DCTN4: variants seen among roughly 807,000 people sequenced by gnomAD.
The protein encoded by DCTN4 is dynactin 4 (p62).
DCTN4 carries 23 observed loss-of-function variants against 62.7 expected under a neutral mutation model. The ratio of observed to expected loss-of-function variants is 0.37; its 90% CI spans 0.26 to 0.52. The LOEUF is 0.52. Among genes scored for constraint, DCTN4 ranks in the 20% least tolerant of loss-of-function variants. DCTN4 has a pLI of 0.92. For synonymous variants in DCTN4, 199 were observed against 202.1 expected, an observed-to-expected ratio of 0.98 and a Z score of 0.13; for missense variants, 514 against 580.4, an observed-to-expected ratio of 0.89 and a Z score of 1.18.
intron 1 of DCTN4, chr5:150,757,786 C>T (rs1752915570): frequency 2.6e-5 from 4 of 152,004 alleles, no homozygotes; most frequent in Admixed American, 2.6e-4. Context: ...CATAAAATGG[C>T]TTATAGTATG....
Position 150,711,238 on chromosome 5 carries a change from TG to T in DCTN4, c.1293del (p.Ile432PhefsTer61). 6.2e-7 allele frequency: 1 copy of T among 1,613,138 alleles called. No individual in the cohort carries two copies. Among genetic ancestry groups the T allele is most frequent in the Non-Finnish European group, 8.5e-7 (1 of 1,180,030 alleles). ...TGGTCACTTTCTTCAATGGGGCGAA[TG>T]GGGGCTGCCAGGTTTTTAAAATCAT... Reference protein sequence around the residue: ...MKHDFKNLAAPIRPIEESDQG... With the variant: ...MKHDFKNLAAXIRPIEESDQG... On this transcript the variant is annotated frameshift_variant, in exon 13 of 13. Transcript: ENST00000447998. LOFTEE classifies it high-confidence loss of function.
intron 3 of DCTN4, among the ~76,000 whole-genome samples, chr5:150,748,109 A>G (rs1752527287): frequency 6.6e-6 from 1 of 152,166 alleles, no homozygotes; most frequent in Admixed American, 6.6e-5. Context: ...AAACAACCTC[A>G]TCAAAAAGTG....
intron 3 of DCTN4, among the ~76,000 whole-genome samples, chr5:150,750,821 G>T (rs569789914): frequency 5.1e-4 from 77 of 152,276 alleles, no homozygotes; most frequent in African/African-American, 1.8e-3. Flanking sequence ...ATAAAGTAGG[G>T]GGAGGGCTTA....
intron 3 of DCTN4, among the ~76,000 whole-genome samples, chr5:150,747,578 G>A (rs1232509228): frequency 6.6e-6 from 1 of 152,158 alleles, no homozygotes; most frequent in East Asian, 1.9e-4. Flanking sequence ...CATGGTACTG[G>A]TACCAAAACA....
chr5:150,741,479 C>T (rs1008823232), intron 4 of DCTN4, among the ~76,000 whole-genome samples: 2 of 147,926 alleles, frequency 1.4e-5, no homozygotes, highest in Non-Finnish European at 3.0e-5. Flanking sequence ...TTGTCTCTAC[C>T]GCATTCTTTT....
At chr5:150,740,660 C>T (rs1760734696) in intron 4 of DCTN4, among the ~76,000 whole-genome samples, 1 of 152,118 alleles carries the variant, frequency 6.6e-6, no homozygotes, top group South Asian at 2.1e-4. Flanking sequence ...AAATGCCCAT[C>T]AATCAATGAG....
chr5:150,755,739 T>G (rs1245560212), intron 2 of DCTN4, among the ~76,000 whole-genome samples: 3 of 152,136 alleles, frequency 2.0e-5, no homozygotes, highest in African/African-American at 7.2e-5. Context: ...TAATGTGATA[T>G]CCTGAAAAGA....
intron 8 of DCTN4, among the ~76,000 whole-genome samples, chr5:150,728,073 T>C (rs10053524): frequency 0.14 from 20,686 of 152,056 alleles, 2,408 homozygotes; most frequent in African/African-American, 0.31. Flanking sequence ...GGTAGCAAAA[T>C]AGCTGGTAAT....
intron 3 of DCTN4, among the ~76,000 whole-genome samples, chr5:150,752,411 A>C (rs1054907358): frequency 2.6e-5 from 4 of 152,322 alleles, no homozygotes; most frequent in African/African-American, 9.6e-5. Context: ...ACTGATAAAC[A>C]TTTTATATAT....
At position 150,719,719 on chromosome 5, in the gene DCTN4, C is replaced by T; in HGVS notation, c.960G>A (p.Met320Ile). The change falls in exon 10 of 13, where the codon ATG becomes ATA. Residue 320 changes from methionine to isoleucine, a missense_variant. By Grantham distance (10) the Met-to-Ile change is conservative. Transcript: ENST00000447998. Reference sequence around the variant, plus strand: ...TGTTAATGAGCAAGGTACTAACCTTCATGTAGCGAAGGTTGGGAATTGACA... The same window carrying T: ...TGTTAATGAGCAAGGTACTAACCTTTATGTAGCGAAGGTTGGGAATTGACA... Reference protein sequence around the residue: ...RIMSIPNLRYMKESQVLLTLT... With the variant: ...RIMSIPNLRYIKESQVLLTLT... 6.2e-7 allele frequency: 1 copy of T among 1,608,314 alleles called. No individual in the cohort carries two copies. The highest frequency in any genetic ancestry group is 8.5e-7 in the Non-Finnish European group (1 of 1,175,118).
intron 3 of DCTN4, among the ~76,000 whole-genome samples, chr5:150,748,379 C>A (rs1416898652): frequency 6.6e-6 from 1 of 152,024 alleles, no homozygotes; most frequent in Non-Finnish European, 1.5e-5. Context: ...GTCAGTGTGG[C>A]GATTCCTCAG....
intron 9 of DCTN4, among the ~76,000 whole-genome samples, chr5:150,721,763 G>A (rs1759961193): frequency 6.6e-6 from 1 of 152,118 alleles, no homozygotes; most frequent in South Asian, 2.1e-4. Context: ...TGTCATGACT[G>A]CCAAATATTC....
intron 1 of DCTN4, chr5:150,758,220 T>C (rs986192310): frequency 2.0e-6 from 2 of 985,612 alleles, no homozygotes; most frequent in South Asian, 4.7e-5. Context: ...GTCTTCTTTT[T>C]GAAAAATCCA....
At chr5:150,714,783 G>A (rs1042374898) in intron 12 of DCTN4, among the ~76,000 whole-genome samples, 7 of 152,208 alleles carry the variant, frequency 4.6e-5, no homozygotes, top group Non-Finnish European at 7.4e-5. Context: ...CCAGGACCAC[G>A]CAAGCAGTGT....
At chr5:150,723,062 C>T (rs1282551778) in intron 8 of DCTN4, 82 bp from the exon 9 acceptor site, 4 of 1,024,376 alleles carry the variant, frequency 3.9e-6, no homozygotes, top group Non-Finnish European at 5.8e-6. Flanking sequence ...TTCAGAAGGA[C>T]AGCATTTACG....
intron 8 of DCTN4, 127 bp from the exon 9 acceptor site, chr5:150,723,107 A>G (rs1561692355): frequency 9.0e-6 from 6 of 664,150 alleles, no homozygotes; most frequent in Non-Finnish European, 1.3e-5. Context: ...CTATAAGACC[A>G]TATGTTTTTG....
intron 4 of DCTN4, among the ~76,000 whole-genome samples, chr5:150,741,367 T>C (rs1489918036): frequency 6.6e-6 from 1 of 152,014 alleles, no homozygotes; most frequent in East Asian, 1.9e-4. Context: ...TGTAGATGTA[T>C]AGCTTTGATG....
chr5:150,753,680 A>G (rs1234247165), intron 2 of DCTN4, 23 bp from the exon 3 acceptor site: 5 of 1,597,314 alleles, frequency 3.1e-6, no homozygotes, highest in Non-Finnish European at 3.4e-6. Context: ...AAACACAACC[A>G]TTCATTCAAC....
In DCTN4 at chr5:150,709,827, C is replaced by T. The variant is rs1206939783; in HGVS notation, c.*1322G>A. On this transcript the variant is annotated 3_prime_UTR_variant, in exon 13 of 13. Transcript: ENST00000447998. ...AGACTTAAAACAAGACCAAGGTAAA[C>T]AAAAAATCTGTATTTTCCTCAAGTC... 1 of 152,296 alleles carries T rather than the reference C, an allele frequency of 6.6e-6. No homozygotes were observed. The highest frequency in any genetic ancestry group is 2.4e-5 in the African/African-American group (1 of 41,450). The allele number at this position is 152,296 out of a possible 1,614,324, so 9.4% of individuals were successfully genotyped here.
Sources: allele counts gnomAD v4.1 joint callset (sites outside exome capture counted in the v4.1 genomes callset), GRCh38; gene constraint gnomAD v4.1.1; transcripts MANE v1.5; gene names NCBI Gene and HGNC (gene_info 2026-07-23, HGNC 2026-07-21).